Variants in EPC1 observed in about 807,000 individuals in gnomAD.
EPC1 encodes the protein enhancer of polycomb homolog 1.
A neutral mutation model predicts 98.4 loss-of-function variants in EPC1; 12 were observed. That is an observed-to-expected ratio of 0.12 (90% CI 0.08 to 0.20). EPC1 has a LOEUF of 0.20. EPC1 is among the 10% of genes least tolerant of loss of function. The probability of loss-of-function intolerance (pLI) is 1.00; values close to 1 mark genes in which losing one functional copy is unlikely to be tolerated. For synonymous variants in EPC1, 357 were observed against 363.9 expected (o/e 0.98, Z 0.21); for missense variants, 729 against 990.5 (o/e 0.74, Z 3.54).
intron 2 of EPC1, among the ~76,000 whole-genome samples, chr10:32,297,577 G>A (rs1482826269): frequency 2.0e-5 from 3 of 151,908 alleles, no homozygotes; most frequent in Non-Finnish European, 2.9e-5. Context: ...ATGAGTCATC[G>A]CAACTGGCCT....
intron 13 of EPC1, among the ~76,000 whole-genome samples, chr10:32,269,698 AT>A (rs2132626510): frequency 6.6e-6 from 1 of 152,386 alleles, no homozygotes; most frequent in South Asian, 2.1e-4. Context: ...TGGTTAAACA[AT>A]TCTAGAGCAG....
intron 1 of EPC1, among the ~76,000 whole-genome samples, chr10:32,335,627 A>T (rs571601590): frequency 2.6e-5 from 4 of 151,656 alleles, no homozygotes; most frequent in South Asian, 2.1e-4. Context: ...TCACAGCATC[A>T]CTCTCTCCCT....
intron 1 of EPC1, among the ~76,000 whole-genome samples, chr10:32,341,317 C>CTGTGTG (rs955653800): frequency 6.8e-5 from 7 of 102,620 alleles, no homozygotes; most frequent in African/African-American, 1.3e-4. Context: ...GGACACATGT[C>CTGTGTG]TGTGTGTGTG....
chr10:32,313,804 T>C (rs535604417), intron 1 of EPC1, among the ~76,000 whole-genome samples: 2 of 152,178 alleles, frequency 1.3e-5, no homozygotes, highest in South Asian at 4.2e-4. Flanking sequence ...GAGAATCGCT[T>C]GAACCTGGGA....
chr10:32,276,207 T>G (rs757273665), intron 10 of EPC1, among the ~76,000 whole-genome samples: 65 of 152,146 alleles, frequency 4.3e-4, no homozygotes, highest in Non-Finnish European at 7.9e-4. Flanking sequence ...GGACTCTGTC[T>G]TCATCTAAAA....
intron 1 of EPC1, among the ~76,000 whole-genome samples, chr10:32,328,369 T>C (rs1284830031): frequency 6.6e-6 from 1 of 152,190 alleles, no homozygotes; most frequent in Non-Finnish European, 1.5e-5. Flanking sequence ...TAAAGAACAC[T>C]GGCATATGAG....
At position 32,305,778 on chromosome 10, in the gene EPC1, T is replaced by C; in HGVS notation, c.307A>G (p.Ile103Val). Reference protein sequence around the residue: ...EFKMPKQLIHIQPFSLDAEQP... With the variant: ...EFKMPKQLIHVQPFSLDAEQP... Reference sequence around the variant, plus strand: ...TAAGAGAATCATTACTTACGCTGTATGTGAATGAGCTGCTTTGGCATCTTA... The same window carrying C: ...TAAGAGAATCATTACTTACGCTGTACGTGAATGAGCTGCTTTGGCATCTTA... Residue 103 changes from isoleucine to valine, a missense_variant, in exon 2 of 14, where the codon ATA (isoleucine) becomes GTA (valine). By Grantham distance (29) the Ile-to-Val change is conservative. This residue lies in a region of EPC1 where 94 missense variants were observed against 125.1 expected (regional missense o/e 0.75). Transcript: ENST00000319778. 7 of 1,599,002 alleles carry C rather than the reference T, an allele frequency of 4.4e-6. No homozygotes were observed. The highest frequency in any genetic ancestry group is 6.0e-6 in the Non-Finnish European group (7 of 1,175,274).
exon 1 of EPC1, chr10:32,378,591 T>C (rs532535267): frequency 1.2e-6 from 1 of 811,450 alleles, no homozygotes; most frequent in South Asian, 1.8e-5. Context: ...AGGCAGCATA[T>C]GGATCTTCCA....
chr10:32,290,505 A>AAAAAAAAAAAAAAAG (rs1554819136), intron 6 of EPC1, among the ~76,000 whole-genome samples: 1 of 77,476 alleles, frequency 1.3e-5, no homozygotes, highest in African/African-American at 5.5e-5. Context: ...AAAAAAAAAA[A>AAAAAAAAAAAAAAAG]AAAGAAAGAA....
intron 1 of EPC1, among the ~76,000 whole-genome samples, chr10:32,340,829 C>CA (rs5784283): frequency 0.13 from 18,892 of 150,334 alleles, 1,217 homozygotes; most frequent in Admixed American, 0.14. Flanking sequence ...GACTTTGACT[C>CA]AAAAAAAAAC....
chr10:32,370,172 G>T (rs1839707219), intron 1 of EPC1, among the ~76,000 whole-genome samples: 1 of 152,148 alleles, frequency 6.6e-6, no homozygotes, highest in Admixed American at 6.5e-5. Context: ...AGGAGTTACA[G>T]GGCTGGTTTT....
intron 9 of EPC1, 103 bp downstream of exon 9, chr10:32,286,591 G>A: frequency 1.2e-5 from 16 of 1,326,930 alleles, no homozygotes; most frequent in Non-Finnish European, 1.7e-5. Flanking sequence ...ATAGCAAATA[G>A]GAACTAATGA....
intron 1 of EPC1, among the ~76,000 whole-genome samples, chr10:32,356,526 C>T (rs1177981120): frequency 6.6e-6 from 1 of 151,968 alleles, no homozygotes; most frequent in Admixed American, 6.5e-5. Context: ...GGAGACAAGC[C>T]AAATGAGGTC....
chr10:32,335,023 T>C (rs1053475866), intron 1 of EPC1, among the ~76,000 whole-genome samples: 4 of 152,214 alleles, frequency 2.6e-5, no homozygotes, highest in East Asian at 1.9e-4. Context: ...ATTTATACAA[T>C]TGTGCAGCAG....
At chr10:32,303,823 G>T (rs954421110) in intron 2 of EPC1, among the ~76,000 whole-genome samples, 1 of 152,208 alleles carries the variant, frequency 6.6e-6, no homozygotes, top group African/African-American at 2.4e-5. Flanking sequence ...GTAAACTCTA[G>T]ATTGTACCAA....
chr10:32,362,973 C>T (rs1474690052), intron 1 of EPC1, among the ~76,000 whole-genome samples: 1 of 152,220 alleles, frequency 6.6e-6, no homozygotes, highest in African/African-American at 2.4e-5. Flanking sequence ...TGCAAGTAGC[C>T]AGCTACTGAA....
Position 32,288,772 on chromosome 10 carries a change from G to GAGGGGGGGACCACATTAAAATAGTT in EPC1, c.976-1523_976-1499dup, listed in dbSNP as rs933337375. ...AGTCCACAAAATCATGTAGGGCTCA[G>GAGGGGGGGACCACATTAAAATAGTT]AGGGGGGGACCACATTAAAATAGTT... is the stretch of plus-strand genomic sequence containing the variant. On this transcript the variant is annotated intron_variant, in intron 6 of 13. Transcript: ENST00000319778. Among the ~76,000 whole-genome samples, 270 of 152,200 alleles carry GAGGGGGGGACCACATTAAAATAGTT rather than the reference G, an allele frequency of 1.8e-3. 3 individuals carry two copies. The highest frequency in any genetic ancestry group is 7.9e-4 in the Non-Finnish European group (54 of 68,010).
intron 10 of EPC1, among the ~76,000 whole-genome samples, chr10:32,276,249 G>A (rs558813107): frequency 2.6e-5 from 4 of 152,200 alleles, no homozygotes; most frequent in African/African-American, 2.4e-5. Context: ...AGTGGCATAC[G>A]CCTGTAATCC....
At chr10:32,339,154 A>C (rs1321071534) in intron 1 of EPC1, among the ~76,000 whole-genome samples, 3 of 152,198 alleles carry the variant, frequency 2.0e-5, no homozygotes, top group Non-Finnish European at 4.4e-5. Context: ...TCTACATAAT[A>C]TGCAAATGAG....
Sources: gnomAD v4.1 joint callset for allele counts (sites outside exome capture counted in the v4.1 genomes callset) on GRCh38, gnomAD v4.1.1 for gene constraint, gnomAD v4.1.1 regional missense constraint, MANE v1.5 for transcripts, NCBI Gene and HGNC (gene_info 2026-07-23, HGNC 2026-07-21) for gene names.